Variants in ZDHHC15 observed in about 807,000 individuals in gnomAD.
ZDHHC15 encodes zDHHC palmitoyltransferase 15.
In ZDHHC15, 19 loss-of-function variants were observed where a neutral mutation model predicts 31.7. The ratio of observed to expected loss-of-function variants is 0.60; its 90% CI spans 0.42 to 0.88. The LOEUF (loss-of-function observed/expected upper bound fraction) is 0.88. Ranked by LOEUF, ZDHHC15 falls within the 40% of genes least tolerant of loss-of-function variation. The pLI, the probability that ZDHHC15 is intolerant of heterozygous loss-of-function variation, is 0.00. For missense variants in ZDHHC15, 209 were observed against 251.2 expected, an observed-to-expected ratio of 0.83 and a Z score of 1.14; for synonymous variants, 103 against 90.0, an observed-to-expected ratio of 1.14 and a Z score of -0.82.
At chrX:75,454,231 T>G (rs897361421) in intron 3 of ZDHHC15, among the ~76,000 whole-genome samples, 3 of 111,716 alleles carry the variant, frequency 2.7e-5, no homozygotes, top group Non-Finnish European at 5.6e-5. Context: ...ACAAGCATTC[T>G]TATACACCAA....
At chrX:75,388,411 G>C (rs979776876) in intron 10 of ZDHHC15, among the ~76,000 whole-genome samples, 2 of 111,917 alleles carry the variant, frequency 1.8e-5, no homozygotes, top group African/African-American at 6.5e-5. Flanking sequence ...CATAAGTAGA[G>C]ATGATTAAAA....
In ZDHHC15 at chrX:75,423,090, G is replaced by A. The variant is rs772430733; in HGVS notation, c.737-1100C>T. ...TACAGTGGCACAATCTTAGTTTACC[G>A]CAGCCTTAAACTCCTGGCCAGGGTC... is the stretch of plus-strand genomic sequence containing the variant. On this transcript the variant is annotated intron_variant, in intron 8 of 11. Coordinates refer to ENST00000373367, the MANE Select transcript of ZDHHC15 (RefSeq NM_144969.3). 8.4e-5 allele frequency among the ~76,000 whole-genome samples: 9 copies of A among 106,689 alleles called. No homozygotes were observed. The East Asian group carries it at 1.2e-3, about 14-fold the overall frequency. 92.6% of individuals were successfully genotyped at this position (106,689 alleles called of 115,157 possible). A position where few individuals can be genotyped will look rare whatever the true frequency, so the allele number is the denominator to read the frequency against.
At chrX:75,446,140 A>G (rs1188375781) in intron 4 of ZDHHC15, among the ~76,000 whole-genome samples, 1 of 112,302 alleles carries the variant, frequency 8.9e-6, no homozygotes, top group Non-Finnish European at 1.9e-5. Flanking sequence ...GTGGAAACAA[A>G]TACTAATGTT....
chrX:75,394,789 C>T (rs2083282686), intron 10 of ZDHHC15, among the ~76,000 whole-genome samples: 1 of 111,526 alleles, frequency 9.0e-6, no homozygotes, highest in Non-Finnish European at 1.9e-5. Flanking sequence ...CTTCAATACC[C>T]CACCTTCAAC....
chrX:75,404,079 T>G (rs2083385149), intron 10 of ZDHHC15, among the ~76,000 whole-genome samples: 1 of 111,689 alleles, frequency 9.0e-6, no homozygotes, highest in Admixed American at 9.5e-5. Flanking sequence ...GCTGCACATC[T>G]ATGAACATGT....
intron 11 of ZDHHC15, among the ~76,000 whole-genome samples, chrX:75,375,001 C>T (rs768151044): frequency 1.9e-3 from 207 of 110,878 alleles, no homozygotes; most frequent in Non-Finnish European, 3.6e-3. Context: ...CAGATGTAAA[C>T]GTATTTCAAA....
chrX:75,486,891 G>A (rs1185360477), intron 2 of ZDHHC15, among the ~76,000 whole-genome samples: 2 of 111,203 alleles, frequency 1.8e-5, no homozygotes, highest in African/African-American at 6.6e-5. Context: ...CCACATGCTG[G>A]TTTTTCTTTA....
intron 10 of ZDHHC15, among the ~76,000 whole-genome samples, chrX:75,413,667 G>GA (rs773081879): frequency 1.6e-3 from 97 of 60,769 alleles, no homozygotes; most frequent in East Asian, 6.1e-3. Context: ...TCCGTCTCAA[G>GA]AAAAAAAAAA....
At chrX:75,493,128 A>G (rs1406945940) in intron 2 of ZDHHC15, among the ~76,000 whole-genome samples, 1 of 112,046 alleles carries the variant, frequency 8.9e-6, no homozygotes, top group Non-Finnish European at 1.9e-5. Flanking sequence ...AGAAATACAA[A>G]CTACCATCAG....
At position 75,505,941 on chromosome X, in the gene ZDHHC15, C is replaced by T. The variant is rs751215256; in HGVS notation, c.137-94G>A. ...ATTAGTTATATTTAAAAAGTCTTGTCTAACTCATTTTCCACAGCATCATTT... is the reference window on the plus strand; with the variant it reads ...ATTAGTTATATTTAAAAAGTCTTGTTTAACTCATTTTCCACAGCATCATTT... On this transcript the variant is annotated intron_variant, in intron 1 of 11. Coordinates refer to ENST00000373367, the MANE Select transcript of ZDHHC15 (RefSeq NM_144969.3). 8 of 817,183 alleles carry T rather than the reference C, an allele frequency of 9.8e-6. No homozygotes were observed. In the African/African-American group the frequency reaches 1.6e-4, roughly 17 times the overall value. The allele number at this position is 817,183 out of a possible 1,213,427, so 67.3% of individuals were successfully genotyped here. A position where few individuals can be genotyped will look rare whatever the true frequency, so the allele number is the denominator to read the frequency against.
At chrX:75,482,588 C>T (rs745590446) in intron 2 of ZDHHC15, among the ~76,000 whole-genome samples, 1 of 111,160 alleles carries the variant, frequency 9.0e-6, no homozygotes, top group Admixed American at 9.6e-5. Context: ...CAGTCTATAC[C>T]AATTCTTTGG....
intron 3 of ZDHHC15, among the ~76,000 whole-genome samples, chrX:75,464,665 C>A (rs1038413187): frequency 4.5e-5 from 5 of 111,092 alleles, no homozygotes; most frequent in Non-Finnish European, 5.7e-5. Flanking sequence ...CATATGCAAA[C>A]CAATAAATGT....
intron 5 of ZDHHC15, among the ~76,000 whole-genome samples, chrX:75,430,798 A>C (rs180699359): frequency 5.4e-5 from 6 of 111,688 alleles, no homozygotes; most frequent in Non-Finnish European, 1.1e-4. Context: ...ATGTAATGAG[A>C]ATGGCACCTT....
chrX:75,515,108 A>G (rs963806408), intron 1 of ZDHHC15, among the ~76,000 whole-genome samples: 3 of 111,359 alleles, frequency 2.7e-5, no homozygotes, highest in African/African-American at 6.6e-5. Flanking sequence ...AAAAAAGTCC[A>G]GGACCAGATG....
At chrX:75,399,039 C>T (rs1366330503) in intron 10 of ZDHHC15, among the ~76,000 whole-genome samples, 1 of 112,051 alleles carries the variant, frequency 8.9e-6, no homozygotes, top group Non-Finnish European at 1.9e-5. Flanking sequence ...TGATGTTTCA[C>T]AGCCTTCACT....
chrX:75,372,313 T>C lies in ZDHHC15; in HGVS notation c.*665A>G, dbSNP rs186394359. ...CATTTGTGACAGAACAGGTTTTACA[T>C]TGTTGTTCAAATTCCAATTTGAGGA... On this transcript the variant is annotated 3_prime_UTR_variant, in exon 12 of 12. Transcript: ENST00000373367. 67 of 112,052 alleles carry C rather than the reference T, an allele frequency of 6.0e-4. No individual in the cohort carries two copies. Among genetic ancestry groups the C allele is most frequent in the African/African-American group, 2.1e-3 (65 of 30,911 alleles). 9.2% of individuals were successfully genotyped at this position (112,052 alleles called of 1,213,427 possible).
intron 10 of ZDHHC15, chrX:75,384,960 C>T (rs1446813955): frequency 7.1e-6 from 3 of 423,600 alleles, no homozygotes; most frequent in Middle Eastern, 6.6e-4. Context: ...TACATAAGGG[C>T]AATTTGGTAC....
At chrX:75,460,437 G>T (rs1287242022) in intron 3 of ZDHHC15, among the ~76,000 whole-genome samples, 3 of 111,511 alleles carry the variant, frequency 2.7e-5, no homozygotes, top group African/African-American at 9.8e-5. Flanking sequence ...CCAAAAAGCA[G>T]CCAGACTGCT....
At chrX:75,504,094 T>C (rs1025619164) in intron 2 of ZDHHC15, among the ~76,000 whole-genome samples, 10 of 111,454 alleles carry the variant, frequency 9.0e-5, no homozygotes, top group African/African-American at 2.9e-4. Flanking sequence ...TGATTATATC[T>C]GAAAAGACCA....
Sources: gnomAD v4.1 joint callset for allele counts (sites outside exome capture counted in the v4.1 genomes callset) on GRCh38, gnomAD v4.1.1 for gene constraint, MANE v1.5 for transcripts, NCBI Gene and HGNC (gene_info 2026-07-23, HGNC 2026-07-21) for gene names.